GEMIN5: variants seen among roughly 807,000 people sequenced by gnomAD.
GEMIN5 encodes gem nuclear organelle associated protein 5.
GEMIN5 carries 124 observed loss-of-function variants against 176.9 expected under a neutral mutation model. The observed-to-expected ratio is 0.70, with a 90% CI of 0.61 to 0.81. The LOEUF (loss-of-function observed/expected upper bound fraction) is 0.81. Ranked by LOEUF, GEMIN5 falls within the 40% of genes least tolerant of loss-of-function variation. GEMIN5 has a pLI of 0.00. For synonymous variants in GEMIN5, 673 were observed against 665.2 expected, an observed-to-expected ratio of 1.01 and a Z score of -0.18; for missense variants, 1,843 against 1,814.6, an observed-to-expected ratio of 1.02 and a Z score of -0.28.
intron 15 of GEMIN5, among the ~76,000 whole-genome samples, chr5:154,911,306 G>A (rs1763694540): frequency 6.6e-6 from 1 of 152,120 alleles, no homozygotes; most frequent in Non-Finnish European, 1.5e-5. Context: ...GAGGCCAGGA[G>A]TTTGAGACCA....
intron 14 of GEMIN5, 48 bp downstream of exon 14, chr5:154,912,851 G>A: frequency 6.6e-7 from 1 of 1,506,470 alleles, no homozygotes; most frequent in African/African-American, 1.4e-5. Flanking sequence ...GAAAGAATTT[G>A]TTAGAGTACA....
chr5:154,924,920 C>T (rs79547055), intron 8 of GEMIN5, among the ~76,000 whole-genome samples: 1 of 151,950 alleles, frequency 6.6e-6, no homozygotes, highest in Non-Finnish European at 1.5e-5. Context: ...ACCCGGGAGG[C>T]GGAGCTTGCA....
chr5:154,932,045 C>T lies in GEMIN5; in HGVS notation c.661+54G>A, dbSNP rs553985811. Reference sequence around the variant, plus strand: ...AAATAAAAAATGATATAATTGTACCCGTTCTGTTCTTCAGGTCTCAAGTGG... The same window carrying T: ...AAATAAAAAATGATATAATTGTACCTGTTCTGTTCTTCAGGTCTCAAGTGG... On this transcript the variant is annotated intron_variant, in intron 4 of 27. Transcript: ENST00000285873. 4.0e-5 allele frequency: 50 copies of T among 1,254,808 alleles called. No homozygotes were observed. In the Admixed American group the frequency reaches 6.1e-4, roughly 15 times the overall value. 77.7% of individuals were successfully genotyped at this position (1,254,808 alleles called of 1,614,324 possible). A position where few individuals can be genotyped will look rare whatever the true frequency, so the allele number is the denominator to read the frequency against.
chr5:154,901,795 T>TTTC (rs10629944), intron 20 of GEMIN5, among the ~76,000 whole-genome samples: 5,861 of 149,476 alleles, frequency 0.039, 203 homozygotes, highest in Admixed American at 0.087. Flanking sequence ...TTTTTTTTTT[T>TTTC]CCCTTTCCTT....
intron 4 of GEMIN5, 58 bp downstream of exon 4, chr5:154,932,041 T>C: frequency 4.1e-6 from 5 of 1,218,328 alleles, no homozygotes; most frequent in Non-Finnish European, 5.9e-6. Context: ...GATATAATTG[T>C]ACCCGTTCTG....
At chr5:154,908,172 CTTTTT>C (rs386405383) in intron 15 of GEMIN5, among the ~76,000 whole-genome samples, 1 of 73,064 alleles carries the variant, frequency 1.4e-5, no homozygotes, top group African/African-American at 5.3e-5. Context: ...CCCAGATGTC[CTTTTT>C]TTTTTTTTTT....
At chr5:154,905,980 C>T (rs1032721036) in intron 16 of GEMIN5, among the ~76,000 whole-genome samples, 1 of 151,780 alleles carries the variant, frequency 6.6e-6, no homozygotes, top group East Asian at 1.9e-4. Flanking sequence ...CGTGAGCCAC[C>T]GCTCCTGGCT....
In GEMIN5 at chr5:154,902,529, A is replaced by G. The variant is rs761927062; in HGVS notation, c.2866+10T>C. 1 of 1,613,714 alleles carries G rather than the reference A, an allele frequency of 6.2e-7. No homozygotes were observed. ...TTTTGTTGAAAAGAACAAACAAACA[A>G]AAACCATACCTGCTGGTGCCATAGC... On this transcript the variant is annotated intron_variant, in intron 20 of 27. Coordinates refer to ENST00000285873, the MANE Select transcript of GEMIN5 (RefSeq NM_015465.5).
At chr5:154,903,823 AT>A (rs1394530601) in intron 18 of GEMIN5, among the ~76,000 whole-genome samples, 1 of 151,912 alleles carries the variant, frequency 6.6e-6, no homozygotes, top group Non-Finnish European at 1.5e-5. Context: ...TGAAAAAAAA[AT>A]TAAAAAAAAA....
intron 24 of GEMIN5, 162 bp from the exon 25 acceptor site, chr5:154,892,711 A>G (rs1049549246): frequency 3.5e-5 from 22 of 631,760 alleles, no homozygotes; most frequent in Admixed American, 2.0e-4. Flanking sequence ...CCCACATCGG[A>G]AACTCTCATG....
At chr5:154,893,735 A>ATTC (rs1195602313) in intron 24 of GEMIN5, among the ~76,000 whole-genome samples, 3 of 151,736 alleles carry the variant, frequency 2.0e-5, no homozygotes, top group Non-Finnish European at 4.4e-5. Context: ...ATTCACCGAT[A>ATTC]TTCTTCTTCT....
chr5:154,906,724 A>G (rs755322536), intron 16 of GEMIN5, among the ~76,000 whole-genome samples: 10 of 152,198 alleles, frequency 6.6e-5, no homozygotes, highest in Non-Finnish European at 1.3e-4. Context: ...AGCCAAAATA[A>G]TAAATCCATT....
chr5:154,915,616 A>G (rs967826016), intron 13 of GEMIN5, among the ~76,000 whole-genome samples: 1 of 152,202 alleles, frequency 6.6e-6, no homozygotes, highest in Non-Finnish European at 1.5e-5. Flanking sequence ...TGTATTAGCG[A>G]TGCTACTTGC....
Position 154,935,959 on chromosome 5 carries a change from T to C in GEMIN5, c.391A>G (p.Lys131Glu). ...VKDLIVSGDE[K>E]GVVFCYWFNR... ...AACCAGTAACAGAAAACTACTCCTT[T>C]TTCATCCCCAGATACTATTAAGTCC... Residue 131 changes from lysine to glutamate, a missense_variant, in exon 3 of 28, where the codon AAA (lysine) becomes GAA (glutamate). Physicochemically the swap from Lys to Glu is moderately conservative, Grantham distance 56 (BLOSUM62 1). Transcript: ENST00000285873. 6.2e-7 allele frequency: 1 copy of C among 1,611,740 alleles called. No individual in the cohort carries two copies. The highest frequency in any genetic ancestry group is 8.5e-7 in the Non-Finnish European group (1 of 1,177,976).
At chr5:154,899,341 C>G (rs1763419726) in intron 21 of GEMIN5, 31 bp from the exon 22 acceptor site, 3 of 1,578,854 alleles carry the variant, frequency 1.9e-6, no homozygotes, top group African/African-American at 2.7e-5. Context: ...TTTAGCCAAT[C>G]TGAAAAGGCT....
At position 154,932,233 on chromosome 5, in the gene GEMIN5, A is replaced by AC; in HGVS notation, c.526dup (p.Val176GlyfsTer5). 6.2e-7 allele frequency: 1 copy of AC among 1,608,626 alleles called. No homozygotes were observed. The highest frequency in any genetic ancestry group is 8.5e-7 in the Non-Finnish European group (1 of 1,175,928). On this transcript the variant is annotated frameshift_variant, in exon 4 of 28. Coordinates refer to ENST00000285873, the MANE Select transcript of GEMIN5 (RefSeq NM_015465.5). LOFTEE classifies it high-confidence loss of function. Reference sequence around the variant, plus strand: ...TTTCTTACTGATGTCAATTATCACCACTATGCCATCCTTGTAGCTAAAAAA... The same window carrying AC: ...TTTCTTACTGATGTCAATTATCACCACCTATGCCATCCTTGTAGCTAAAAAA...
intron 7 of GEMIN5, among the ~76,000 whole-genome samples, chr5:154,926,338 C>G (rs1185740144): frequency 6.6e-6 from 1 of 152,224 alleles, no homozygotes; most frequent in African/African-American, 2.4e-5. Flanking sequence ...CGCCTCCTGT[C>G]TCCAAGTTCG....
chr5:154,937,215 C>T (rs1170365458), intron 1 of GEMIN5, 30 bp from the exon 2 acceptor site: 7 of 1,556,738 alleles, frequency 4.5e-6, no homozygotes, highest in Non-Finnish European at 5.2e-6. Flanking sequence ...CTAGGTTAAT[C>T]GAAGTGCTAT....
chr5:154,919,889 G>C, intron 11 of GEMIN5, 78 bp downstream of exon 11: 1 of 1,239,496 alleles, frequency 8.1e-7, no homozygotes, highest in Non-Finnish European at 1.2e-6. Flanking sequence ...TCCAATAACA[G>C]CATTTATTTT....
Sources: allele counts gnomAD v4.1 joint callset (sites outside exome capture counted in the v4.1 genomes callset), GRCh38; gene constraint gnomAD v4.1.1; transcripts MANE v1.5; gene names NCBI Gene and HGNC (gene_info 2026-07-23, HGNC 2026-07-21).